Variants in NLRP6 observed in about 807,000 individuals in gnomAD.
The protein encoded by NLRP6 is NLR family pyrin domain containing 6.
A neutral mutation model predicts 70.9 loss-of-function variants in NLRP6; 55 were observed. That is an observed-to-expected ratio of 0.78 (90% CI 0.62 to 0.97). The LOEUF (loss-of-function observed/expected upper bound fraction) is 0.97, where lower values mean the gene tolerates loss of function less well. Among genes scored for constraint, NLRP6 ranks in the 50% least tolerant of loss-of-function variants. NLRP6 has a pLI of 0.00. For missense variants in NLRP6, 1,241 were observed against 1,238.3 expected (o/e 1.00, Z -0.03); for synonymous variants, 652 against 581.9 (o/e 1.12, Z -1.73).
At position 280,844 on chromosome 11, in the gene NLRP6, C is replaced by G; in HGVS notation, c.1110C>G (p.Arg370=). The G allele has an allele frequency of 6.2e-7, 1 of 1,613,302 alleles. No individual in the cohort carries two copies. The highest frequency in any genetic ancestry group is 8.5e-7 in the Non-Finnish European group (1 of 1,179,984). ...TCCGGGATGAGAGGAGGGCCGAGCG[C>G]GCCTACCGCTTCGTGAAGGAGAACG... is the stretch of plus-strand genomic sequence containing the variant. ...KYFRDERRAE[R]AYRFVKENET... is the part of the protein sequence containing the mutation. Residue 370 remains arginine (R), a synonymous_variant, in exon 4 of 8, where the codon CGC becomes CGG. Transcript: ENST00000534750.
chr11:282,412 T>C (rs1207169423), intron 4 of NLRP6, among the ~76,000 whole-genome samples: 1 of 152,174 alleles, frequency 6.6e-6, no homozygotes, highest in Non-Finnish European at 1.5e-5. Flanking sequence ...GTTGAGAGGA[T>C]GAATGTCACG....
chr11:284,883 A>G (rs1845536365), intron 7 of NLRP6, among the ~76,000 whole-genome samples: 1 of 152,110 alleles, frequency 6.6e-6, no homozygotes, highest in Non-Finnish European at 1.5e-5. Context: ...TCTGGTGCCC[A>G]TGGCAGCACC....
chr11:282,650 C>A, intron 4 of NLRP6, 55 bp from the exon 5 acceptor site: 1 of 1,382,116 alleles, frequency 7.2e-7, no homozygotes, highest in Non-Finnish European at 1.0e-6. Flanking sequence ...GGAGTCCTTT[C>A]CGGCAGGCAC....
intron 7 of NLRP6, among the ~76,000 whole-genome samples, chr11:284,910 G>A (rs866416253): frequency 2.5e-4 from 38 of 152,284 alleles, no homozygotes; most frequent in Middle Eastern, 3.4e-3. Flanking sequence ...CAGTGGCCCC[G>A]ATACCCTTTT....
At chr11:285,064 C>T in intron 7 of NLRP6, 102 bp from the exon 8 acceptor site, 1 of 1,028,550 alleles carries the variant, frequency 9.7e-7, no homozygotes, top group Non-Finnish European at 1.4e-6. Flanking sequence ...CACGGCACTG[C>T]CCGTCACTGC....
chr11:279,275 C>CGG, intron 1 of NLRP6, 52 bp from the exon 2 acceptor site: 2 of 914,120 alleles, frequency 2.2e-6, no homozygotes, highest in Non-Finnish European at 2.8e-6. Flanking sequence ...CGGGGGCGGG[C>CGG]GGGGGTCACC....
intron 3 of NLRP6, 54 bp downstream of exon 3, chr11:279,926 C>A: frequency 6.8e-7 from 1 of 1,460,344 alleles, no homozygotes; most frequent in East Asian, 2.5e-5. Context: ...TGGAGGGTCC[C>A]GGGGAGGACC....
chr11:279,276 G>C (rs77437489), intron 1 of NLRP6, 51 bp from the exon 2 acceptor site: 498 of 1,226,168 alleles, frequency 4.1e-4, no homozygotes, highest in Non-Finnish European at 4.7e-4. Flanking sequence ...GGGGGCGGGC[G>C]GGGGTCACCC....
At chr11:284,739 C>G in intron 7 of NLRP6, 97 bp downstream of exon 7, 4 of 1,222,266 alleles carry the variant, frequency 3.3e-6, no homozygotes, top group Non-Finnish European at 4.5e-6. Flanking sequence ...GAAGAGGGGC[C>G]CCTCCCAGAG....
At chr11:279,761 G>C in intron 2 of NLRP6, 73 bp from the exon 3 acceptor site, 1 of 1,504,192 alleles carries the variant, frequency 6.6e-7, no homozygotes, top group Non-Finnish European at 9.0e-7. Flanking sequence ...TGCTCCTCAG[G>C]GTGACTCGGA....
Position 284,462 on chromosome 11 carries a change from G to C in NLRP6, c.2370-13G>C. On this transcript the variant is annotated splice_polypyrimidine_tract_variant and intron_variant, in intron 6 of 7. Coordinates refer to ENST00000534750, the MANE Select transcript of NLRP6 (RefSeq NM_001276700.2). Reference sequence around the variant, plus strand: ...CGCCACCCCAGCAGCTCCTGAGGTCGGCCCTCCCACAGGGTACAGCTGCCT... The same window carrying C: ...CGCCACCCCAGCAGCTCCTGAGGTCCGCCCTCCCACAGGGTACAGCTGCCT... 1 of 1,609,178 alleles carries C rather than the reference G, an allele frequency of 6.2e-7. No homozygotes were observed. The highest frequency in any genetic ancestry group is 8.5e-7 in the Non-Finnish European group (1 of 1,177,106).
intron 3 of NLRP6, 55 bp from the exon 4 acceptor site, chr11:280,029 C>T: frequency 7.0e-7 from 1 of 1,429,870 alleles, no homozygotes; most frequent in Non-Finnish European, 9.2e-7. Context: ...TCCCGGAGGG[C>T]GCAGCCTGCC....
Position 284,228 on chromosome 11 carries a change from A to T in NLRP6, c.2199-2A>T. The T allele has an allele frequency of 6.2e-7, 1 of 1,613,118 alleles. No individual in the cohort carries two copies. Reference sequence around the variant, plus strand: ...GTAAATCTCTGTGCTTCTTGACCACAGGCTGTCCCACTGCAAACTCCCTGA... The same window carrying T: ...GTAAATCTCTGTGCTTCTTGACCACTGGCTGTCCCACTGCAAACTCCCTGA... On this transcript the variant is annotated splice_acceptor_variant, in intron 5 of 7. Coordinates refer to ENST00000534750, the MANE Select transcript of NLRP6 (RefSeq NM_001276700.2). LOFTEE classifies it high-confidence loss of function.
rs1399518596 is a variant in NLRP6, at chr11:279,856, G to A, written c.333G>A (p.Thr111=). Residue 111 remains threonine (T), a synonymous_variant, in exon 3 of 8, where the codon ACG becomes ACA. Transcript: ENST00000534750. ...CAGGGCTCGGGCTCGGCTCCGGGACGCTGCTCTCCGTGTCCGGTGGGTCTC... is the reference window on the plus strand; with the variant it reads ...CAGGGCTCGGGCTCGGCTCCGGGACACTGCTCTCCGTGTCCGGTGGGTCTC... ...RLQRLGLGSG[T]LLSVSEYKKK... is the part of the protein sequence containing the mutation. 4 of 1,557,114 alleles carry A rather than the reference G, an allele frequency of 2.6e-6. No homozygotes were observed. Among genetic ancestry groups the A allele is most frequent in the Non-Finnish European group, 3.5e-6 (4 of 1,155,648 alleles).
At position 280,970 on chromosome 11, in the gene NLRP6, C is replaced by G. The variant is rs769920428; in HGVS notation, c.1236C>G (p.Ser412=). ...TCGGTCGGGACCTGTCGCGCACGTC[C>G]AAGACCACCACGTCAGTGTACCTGC... ...LELGRDLSRT[S]KTTTSVYLLF... is the part of the protein sequence containing the mutation. Residue 412 remains serine, a synonymous_variant, in exon 4 of 8, where the codon TCC becomes TCG. Coordinates refer to ENST00000534750, the MANE Select transcript of NLRP6 (RefSeq NM_001276700.2). 1.9e-5 allele frequency: 31 copies of G among 1,613,102 alleles called. No individual in the cohort carries two copies. The East Asian group carries it at 6.9e-4, about 36-fold the overall frequency.
Position 280,508 on chromosome 11 carries a change from C to T in NLRP6, c.774C>T (p.Pro258=). ...SLADLILDQC[P]DRGAPVPQML... ...CTGACCTGATCCTGGACCAGTGCCC[C>T]GACCGCGGCGCGCCGGTGCCGCAGA... is the stretch of plus-strand genomic sequence containing the variant. Residue 258 remains proline (P), a synonymous_variant, in exon 4 of 8, where the codon CCC becomes CCT. Coordinates refer to ENST00000534750, the MANE Select transcript of NLRP6 (RefSeq NM_001276700.2). The T allele has an allele frequency of 6.4e-7, 1 of 1,574,694 alleles. No homozygotes were observed. Among genetic ancestry groups the T allele is most frequent in the East Asian group, 2.4e-5 (1 of 42,244 alleles).
chr11:279,265 C>CGGGGGGGGGG, intron 1 of NLRP6, 62 bp from the exon 2 acceptor site: 1 of 1,202,662 alleles, frequency 8.3e-7, no homozygotes. Flanking sequence ...GCGCCAGAGT[C>CGGGGGGGGGG]GGGGGCGGGC....
Position 280,652 on chromosome 11 carries a change from G to A in NLRP6, c.918G>A (p.Arg306=), listed in dbSNP as rs942015072. Reference sequence around the variant, plus strand: ...CCTTCGAGGCGGCGAGCGGCGCGCGGGTGCTAGGCGGGCTGCTGAGCAAGG... The same window carrying A: ...CCTTCGAGGCGGCGAGCGGCGCGCGAGTGCTAGGCGGGCTGCTGAGCAAGG... ...TDPFEAASGA[R]VLGGLLSKAL... The change falls in exon 4 of 8, where the codon CGG becomes CGA. Residue 306 remains arginine, a synonymous_variant. Transcript: ENST00000534750. 6.6e-7 allele frequency: 1 copy of A among 1,517,464 alleles called. No individual in the cohort carries two copies. Among genetic ancestry groups the A allele is most frequent in the South Asian group, 1.3e-5 (1 of 79,334 alleles). The allele number at this position is 1,517,464 out of a possible 1,614,324, so 94.0% of individuals were successfully genotyped here. A position where few individuals can be genotyped will look rare whatever the true frequency, so the allele number is the denominator to read the frequency against.
At chr11:282,417 G>A (rs1251700169) in intron 4 of NLRP6, among the ~76,000 whole-genome samples, 1 of 152,218 alleles carries the variant, frequency 6.6e-6, no homozygotes, top group African/African-American at 2.4e-5. Flanking sequence ...GAGGATGAAT[G>A]TCACGGTGTT....
Sources: gnomAD v4.1 joint callset for allele counts (sites outside exome capture counted in the v4.1 genomes callset) on GRCh38, gnomAD v4.1.1 for gene constraint, MANE v1.5 for transcripts, NCBI Gene and HGNC (gene_info 2026-07-23, HGNC 2026-07-21) for gene names.